Variants in DCHS2 observed in about 807,000 individuals in gnomAD.
DCHS2 encodes the protein dachsous cadherin-related 2.
A neutral mutation model predicts 182.4 loss-of-function variants in DCHS2; 142 were observed. That is an observed-to-expected ratio of 0.78 (90% CI 0.68 to 0.89). DCHS2 has a LOEUF of 0.89. DCHS2 is among the 40% of genes least tolerant of loss of function. DCHS2 has a pLI of 0.00. For synonymous variants in DCHS2, 1,740 were observed against 1,663.3 expected (o/e 1.05, Z -1.12); for missense variants, 4,319 against 4,198.6 (o/e 1.03, Z -0.79).
At chr4:154,461,751 C>G (rs965080328) in intron 1 of DCHS2, among the ~76,000 whole-genome samples, 2 of 151,952 alleles carry the variant, frequency 1.3e-5, no homozygotes, top group African/African-American at 4.8e-5. Flanking sequence ...AGATTATTAC[C>G]ATCTGGCTGC....
chr4:154,429,025 A>G (rs1174233658), intron 1 of DCHS2, among the ~76,000 whole-genome samples: 6 of 152,220 alleles, frequency 3.9e-5, no homozygotes, highest in Admixed American at 3.3e-4. Flanking sequence ...TTTTAGCAGA[A>G]TATTTGATAA....
chr4:154,397,643 C>A (rs1224268495), intron 1 of DCHS2, among the ~76,000 whole-genome samples: 1 of 152,180 alleles, frequency 6.6e-6, no homozygotes, highest in African/African-American at 2.4e-5. Context: ...TTTAACCTGA[C>A]TGTGCCTAAC....
chr4:154,442,404 A>C (rs1468859052), intron 1 of DCHS2, among the ~76,000 whole-genome samples: 2 of 151,890 alleles, frequency 1.3e-5, no homozygotes, highest in African/African-American at 4.8e-5. Flanking sequence ...GCCCTTCCTG[A>C]GTCCCCCAAA....
intron 1 of DCHS2, among the ~76,000 whole-genome samples, chr4:154,450,085 A>G (rs1734470786): frequency 6.6e-6 from 1 of 152,216 alleles, no homozygotes; most frequent in Non-Finnish European, 1.5e-5. Flanking sequence ...TGGGCTGAAC[A>G]TGCAGAAGGA....
At chr4:154,417,332 T>C (rs1732910110) in intron 1 of DCHS2, among the ~76,000 whole-genome samples, 1 of 151,894 alleles carries the variant, frequency 6.6e-6, no homozygotes, top group African/African-American at 2.4e-5. Context: ...TTTTGACAGT[T>C]TAATGTTCAG....
chr4:154,293,154 C>T (rs1175238852), intron 13 of DCHS2, among the ~76,000 whole-genome samples: 1 of 152,072 alleles, frequency 6.6e-6, no homozygotes, highest in Admixed American at 6.6e-5. Flanking sequence ...CTACCTTCAA[C>T]GATTACCATT....
rs948538836 is a variant in DCHS2, at chr4:154,358,367, C to T, written c.2476+7843G>A. ...TCCAGCATTGTCTTTGGAAGCCCTACACTAGTTGCAGAAGTTACTATAATC... is the reference window on the plus strand; with the variant it reads ...TCCAGCATTGTCTTTGGAAGCCCTATACTAGTTGCAGAAGTTACTATAATC... On this transcript the variant is annotated intron_variant, in intron 3 of 19. Transcript: ENST00000357232. Among the ~76,000 whole-genome samples the T allele has an allele frequency of 4.6e-5, 7 of 152,164 alleles. No homozygotes were observed. The South Asian group carries it at 6.2e-4, about 13-fold the overall frequency.
chr4:154,375,427 C>T lies in DCHS2; in HGVS notation c.2244+1826G>A, dbSNP rs533276250. On this transcript the variant is annotated intron_variant, in intron 2 of 19. Coordinates refer to ENST00000357232, the MANE Select transcript of DCHS2 (RefSeq NM_001358235.2). ...AGAAAAATATATGCAGTAAATATAT[C>T]GAAAAAAGGACTTTCAGGCCAAAAA... Among the ~76,000 whole-genome samples the T allele has an allele frequency of 4.0e-5, 6 of 151,784 alleles. 1 individual carries two copies. The highest frequency in any genetic ancestry group is 1.2e-4 in the African/African-American group (5 of 41,448).
chr4:154,467,839 G>A (rs1735301058), intron 1 of DCHS2, among the ~76,000 whole-genome samples: 1 of 152,134 alleles, frequency 6.6e-6, no homozygotes, highest in South Asian at 2.1e-4. Flanking sequence ...CTTTATAAAT[G>A]TTTGCAGAAT....
intron 1 of DCHS2, among the ~76,000 whole-genome samples, chr4:154,397,859 A>G (rs1424651913): frequency 6.6e-6 from 1 of 152,164 alleles, no homozygotes; most frequent in Non-Finnish European, 1.5e-5. Flanking sequence ...TCTTCCTCTC[A>G]TTCCCCCAAA....
chr4:154,360,487 A>G (rs1730069950), intron 3 of DCHS2, among the ~76,000 whole-genome samples: 1 of 152,004 alleles, frequency 6.6e-6, no homozygotes, highest in African/African-American at 2.4e-5. Context: ...TTAATTTTAG[A>G]CTCTGTCTTG....
At chr4:154,264,409 G>A (rs1264326728) in intron 14 of DCHS2, among the ~76,000 whole-genome samples, 1 of 151,942 alleles carries the variant, frequency 6.6e-6, no homozygotes, top group African/African-American at 2.4e-5. Flanking sequence ...AAAAGACAAA[G>A]AGTTGAAAAA....
intron 1 of DCHS2, among the ~76,000 whole-genome samples, chr4:154,466,291 A>G (rs1365945960): frequency 6.6e-6 from 1 of 152,204 alleles, no homozygotes; most frequent in Non-Finnish European, 1.5e-5. Context: ...AGACTCCTGG[A>G]TCAGAGATGA....
At chr4:154,343,488 A>G in intron 3 of DCHS2, 1 of 1,458,956 alleles carries the variant, frequency 6.9e-7, no homozygotes. Context: ...AATCTTAGCT[A>G]GATTTGCTAC....
At chr4:154,468,572 T>A (rs1182285764) in intron 1 of DCHS2, among the ~76,000 whole-genome samples, 1 of 152,206 alleles carries the variant, frequency 6.6e-6, no homozygotes, top group East Asian at 1.9e-4. Flanking sequence ...TGGGATATCA[T>A]GTTAATTTAT....
chr4:154,298,993 A>T (rs562132205), intron 12 of DCHS2, among the ~76,000 whole-genome samples: 2 of 152,304 alleles, frequency 1.3e-5, no homozygotes, highest in African/African-American at 4.8e-5. Flanking sequence ...CAGCCGTATG[A>T]TTTTTTGTGT....
At position 154,332,538 on chromosome 4, in the gene DCHS2, C is replaced by A. The variant is rs1401942703; in HGVS notation, c.3670G>T (p.Gly1224Ter). Residue 1224 changes from glycine to a stop codon, truncating the protein, a stop_gained, in exon 5 of 20, where the codon GGA becomes TGA. Coordinates refer to ENST00000357232, the MANE Select transcript of DCHS2 (RefSeq NM_001358235.2). LOFTEE classifies it high-confidence loss of function. ...GACAAAAGGAAATATAATAGCTGTC[C>A]ATTCTTTCCAGAGTCCATGTCAATA... is the stretch of plus-strand genomic sequence containing the variant. ...TAIDMDSGKN[G>*]QLLYFLLSDG... 1 of 1,614,078 alleles carries A rather than the reference C, an allele frequency of 6.2e-7. No homozygotes were observed. The highest frequency in any genetic ancestry group is 1.3e-5 in the African/African-American group (1 of 75,020).
At chr4:154,372,826 A>C (rs1240523194) in intron 2 of DCHS2, among the ~76,000 whole-genome samples, 1 of 152,232 alleles carries the variant, frequency 6.6e-6, no homozygotes, top group Non-Finnish European at 1.5e-5. Flanking sequence ...AAGTAATATC[A>C]GTAGAGTAGA....
intron 1 of DCHS2, among the ~76,000 whole-genome samples, chr4:154,380,079 A>C (rs1201920365): frequency 6.6e-6 from 1 of 152,154 alleles, no homozygotes; most frequent in Non-Finnish European, 1.5e-5. Context: ...CTTCACAACA[A>C]AGAATTATCT....
Sources: gnomAD v4.1 joint callset for allele counts (sites outside exome capture counted in the v4.1 genomes callset) on GRCh38, gnomAD v4.1.1 for gene constraint, MANE v1.5 for transcripts, NCBI Gene and HGNC (gene_info 2026-07-23, HGNC 2026-07-21) for gene names.